Variants in ZNF282 observed in about 807,000 individuals in gnomAD.
ZNF282 encodes the protein zinc finger protein 282.
Under a neutral mutation model 61.9 loss-of-function variants are expected in ZNF282, and 30 were observed. The observed-to-expected ratio is 0.48, with a 90% CI of 0.36 to 0.66. ZNF282 has a LOEUF of 0.66. Among genes scored for constraint, ZNF282 ranks in the 30% least tolerant of loss-of-function variants. The probability of loss-of-function intolerance (pLI) is 0.00; values close to 1 mark genes in which losing one functional copy is unlikely to be tolerated. For missense variants in ZNF282, 788 were observed against 941.4 expected, an observed-to-expected ratio of 0.84 and a Z score of 2.13; for synonymous variants, 396 against 405.0, an observed-to-expected ratio of 0.98 and a Z score of 0.27.
In ZNF282 at chr7:149,213,919, A is replaced by G. The variant is rs147846260; in HGVS notation, c.1180+105A>G. The G allele has an allele frequency of 7.8e-4, 572 of 736,420 alleles. 4 individuals carry two copies. In the African/African-American group the frequency reaches 9.1e-3, roughly 12 times the overall value. The allele number at this position is 736,420 out of a possible 1,614,324, so 45.6% of individuals were successfully genotyped here. A position where few individuals can be genotyped will look rare whatever the true frequency, so the allele number is the denominator to read the frequency against. ...TTCTCAGCTCACCCCTCGTAGGGTG[A>G]TGTTCTGTTGATGGCAGCGTTTCAA... On this transcript the variant is annotated intron_variant, in intron 7 of 7. Transcript: ENST00000610704.
chr7:149,195,806 G>A (rs1585556805), intron 1 of ZNF282, 52 bp downstream of exon 1: 19 of 1,376,536 alleles, frequency 1.4e-5, no homozygotes, highest in Non-Finnish European at 1.7e-5. Context: ...GGCGGGGCGC[G>A]GGCTGGGCCG....
chr7:149,200,886 C>T (rs754413489), intron 2 of ZNF282, among the ~76,000 whole-genome samples: 5 of 152,136 alleles, frequency 3.3e-5, no homozygotes, highest in Non-Finnish European at 5.9e-5. Flanking sequence ...CGTGAGCCAC[C>T]ACGCCCAGCT....
At chr7:149,212,610 T>C in intron 6 of ZNF282, 139 bp downstream of exon 6, 1 of 674,022 alleles carries the variant, frequency 1.5e-6, no homozygotes, top group South Asian at 2.0e-5. Flanking sequence ...AGACGGAGTC[T>C]TGCTCTGTTG....
At chr7:149,213,952 C>T in intron 7 of ZNF282, 138 bp downstream of exon 7, 4 of 608,654 alleles carry the variant, frequency 6.6e-6, no homozygotes, top group South Asian at 4.1e-5. Flanking sequence ...CAAAGTTCTG[C>T]ACCAAAGCAC....
rs1563174101 is a variant in ZNF282, at chr7:149,198,677, C to T, written c.510C>T (p.Asn170=). The T allele has an allele frequency of 1.9e-6, 3 of 1,613,812 alleles. No individual in the cohort carries two copies. The highest frequency in any genetic ancestry group is 2.5e-6 in the Non-Finnish European group (3 of 1,180,028). ...EYGLLQRRLE[N]LENLLRNRNF... is the part of the protein sequence containing the mutation. ...GGCTGCTGCAGAGGCGGCTGGAGAA[C>T]TTGGAGAACTTGCTGCGCAACAGGA... Residue 170 remains asparagine, a synonymous_variant, in exon 2 of 8, where the codon AAC becomes AAT. Coordinates refer to ENST00000610704, the MANE Select transcript of ZNF282 (RefSeq NM_003575.4). This position sits in a 1 kb window ranked among gnomAD's most constrained non-coding sequence, Gnocchi z 4.3.
chr7:149,214,155 T>A (rs915362187), intron 7 of ZNF282, among the ~76,000 whole-genome samples: 1 of 152,174 alleles, frequency 6.6e-6, no homozygotes, highest in Admixed American at 6.5e-5. Flanking sequence ...CTCCCTCGCC[T>A]CTCCCAGCTT....
intron 4 of ZNF282, 78 bp downstream of exon 4, chr7:149,207,548 G>A: frequency 2.0e-6 from 3 of 1,530,460 alleles, no homozygotes; most frequent in South Asian, 1.2e-5. Flanking sequence ...CTGCTGCCGC[G>A]AGGCGCCACT....
chr7:149,202,773 T>A (rs1202410), intron 2 of ZNF282, among the ~76,000 whole-genome samples: 126,569 of 152,126 alleles, frequency 0.83, 53,323 homozygotes, highest in East Asian at 0.97. Flanking sequence ...TCTTAAGTTT[T>A]GTATTGCTTT....
At chr7:149,216,769 C>T (rs139686671) in intron 7 of ZNF282, among the ~76,000 whole-genome samples, 1 of 152,318 alleles carries the variant, frequency 6.6e-6, no homozygotes, top group African/African-American at 2.4e-5. Context: ...ACTTCCTTCT[C>T]CAGCCCTGGG....
At chr7:149,199,605 GTT>G (rs1290729267) in intron 2 of ZNF282, among the ~76,000 whole-genome samples, 1 of 152,122 alleles carries the variant, frequency 6.6e-6, no homozygotes, top group Non-Finnish European at 1.5e-5. Context: ...CCTTGAAAGA[GTT>G]GTCTATACTT....
rs1482579864 is a variant in ZNF282 at position 149,198,437 on chromosome 7, G to A, written c.270G>A (p.Gln90=). The change falls in exon 2 of 8, where the codon CAG becomes CAA. Residue 90 remains glutamine (Q), a synonymous_variant. Coordinates refer to ENST00000610704, the MANE Select transcript of ZNF282 (RefSeq NM_003575.4). The surrounding 1 kb of genome is among the most constrained non-coding windows in gnomAD (Gnocchi z 4.3). ...CCGACCGCATGATGCGAGAGCCCCA[G>A]TTGCCCACAGCAGAGATCTCACTCT... ...VFPDRMMREP[Q]LPTAEISLWT... 1.2e-6 allele frequency: 2 copies of A among 1,614,080 alleles called. No individual in the cohort carries two copies. Among genetic ancestry groups the A allele is most frequent in the East Asian group, 2.2e-5 (1 of 44,892 alleles).
In ZNF282 at chr7:149,223,964, C is replaced by A. The variant is rs3735312; in HGVS notation, c.1333C>A (p.Arg445=). Residue 445 remains arginine, a synonymous_variant, in exon 8 of 8, where the codon CGA becomes AGA. Transcript: ENST00000610704. ...CGAGAACCCGGGCGGCCCCCCGAGC[C>A]GAGGGCTGCTGGACGACGGTTTCCA... The part of the protein sequence containing the change: ...VAENPGGPPS[R]GLLDDGFQVL... 9.8e-3 allele frequency: 12,701 copies of A among 1,293,714 alleles called. 78 individuals carry two copies. The highest frequency in any genetic ancestry group is 0.022 in the East Asian group (696 of 31,508). 80.1% of individuals were successfully genotyped at this position (1,293,714 alleles called of 1,614,324 possible).
chr7:149,223,189 G>T (rs1796285215), intron 7 of ZNF282, among the ~76,000 whole-genome samples: 1 of 147,278 alleles, frequency 6.8e-6, no homozygotes, highest in Non-Finnish European at 1.5e-5. Context: ...GGTCAGGCTG[G>T]TCTCCAACTC....
At position 149,225,044 on chromosome 7, in the gene ZNF282, G is replaced by A. The variant is rs1477560057; in HGVS notation, c.*397G>A. The A allele has an allele frequency of 1.2e-5, 3 of 244,554 alleles. No individual in the cohort carries two copies. The highest frequency in any genetic ancestry group is 5.0e-5 in the Admixed American group (1 of 19,986). The allele number at this position is 244,554 out of a possible 1,614,324, so 15.1% of individuals were successfully genotyped here. A position where few individuals can be genotyped will look rare whatever the true frequency, so the allele number is the denominator to read the frequency against. ...GACGCCCTGAAAAAAAGCGAAGGCCGAGGGATGTGCTAAGGGTAACACCTT... is the reference window on the plus strand; with the variant it reads ...GACGCCCTGAAAAAAAGCGAAGGCCAAGGGATGTGCTAAGGGTAACACCTT... On this transcript the variant is annotated 3_prime_UTR_variant, in exon 8 of 8. Transcript: ENST00000610704.
chr7:149,216,211 G>C (rs1796159413), intron 7 of ZNF282, among the ~76,000 whole-genome samples: 1 of 152,168 alleles, frequency 6.6e-6, no homozygotes, highest in African/African-American at 2.4e-5. Flanking sequence ...TGATGCTCCT[G>C]CCTCAGCCTC....
chr7:149,224,059 G>A lies in ZNF282; in HGVS notation c.1428G>A (p.Gly476=). The change falls in exon 8 of 8, where the codon GGG becomes GGA. Residue 476 remains glycine (G), a synonymous_variant. Coordinates refer to ENST00000610704, the MANE Select transcript of ZNF282 (RefSeq NM_003575.4). ...PGGDRSTGGG[G]GDGGGGGGGA... ...GGGACCGCAGCACCGGGGGCGGCGG[G>A]GGCGATGGGGGCGGTGGGGGCGGCG... 1 of 1,162,910 alleles carries A rather than the reference G, an allele frequency of 8.6e-7. No individual in the cohort carries two copies. The highest frequency in any genetic ancestry group is 1.1e-6 in the Non-Finnish European group (1 of 944,876). The allele number at this position is 1,162,910 out of a possible 1,614,324, so 72.0% of individuals were successfully genotyped here. A position where few individuals can be genotyped will look rare whatever the true frequency, so the allele number is the denominator to read the frequency against.
At chr7:149,204,024 C>T (rs1306722043) in intron 2 of ZNF282, among the ~76,000 whole-genome samples, 2 of 152,034 alleles carry the variant, frequency 1.3e-5, no homozygotes, top group Non-Finnish European at 2.9e-5. Context: ...GCTCAGAGTC[C>T]CATGAGGTTA....
At chr7:149,208,276 G>A (rs760608648) in intron 4 of ZNF282, among the ~76,000 whole-genome samples, 9 of 152,050 alleles carry the variant, frequency 5.9e-5, no homozygotes, top group East Asian at 1.9e-4. Context: ...TGCAACCTCC[G>A]TCTCCCAGAT....
chr7:149,222,939 C>G (rs948332463), intron 7 of ZNF282, among the ~76,000 whole-genome samples: 1 of 142,556 alleles, frequency 7.0e-6, no homozygotes, highest in Admixed American at 7.0e-5. Context: ...AGCCACTGCG[C>G]CTGGCCTTTT....
Sources: gnomAD v4.1 joint callset for allele counts (sites outside exome capture counted in the v4.1 genomes callset) on GRCh38, gnomAD v4.1.1 for gene constraint, Gnocchi (gnomAD v3.1) non-coding constraint, MANE v1.5 for transcripts, NCBI Gene and HGNC (gene_info 2026-07-23, HGNC 2026-07-21) for gene names.